Variants in UPK1B observed in about 807,000 individuals in gnomAD.
The protein encoded by UPK1B is uroplakin 1B.
In UPK1B, 28 loss-of-function variants were observed where a neutral mutation model predicts 34.2. That is an observed-to-expected ratio of 0.82 (90% confidence interval 0.61 to 1.12). The LOEUF (loss-of-function observed/expected upper bound fraction) is 1.12. UPK1B is among the 50% of genes most tolerant of loss of function. UPK1B has a pLI of 0.00. For missense variants in UPK1B, 325 were observed against 320.9 expected, an observed-to-expected ratio of 1.01 and a Z score of -0.10; for synonymous variants, 81 against 110.4, an observed-to-expected ratio of 0.73 and a Z score of 1.67.
At chr3:119,198,752 G>T (rs544031197) in intron 6 of UPK1B, among the ~76,000 whole-genome samples, 5 of 152,126 alleles carry the variant, frequency 3.3e-5, no homozygotes, top group Non-Finnish European at 7.4e-5. Flanking sequence ...TAAGATTTTT[G>T]AATTTATTGT....
At position 119,183,576 on chromosome 3, in the gene UPK1B, A is replaced by C. The variant is rs186056552; in HGVS notation, c.-28-3138A>C. 9.2e-5 allele frequency among the ~76,000 whole-genome samples: 14 copies of C among 152,126 alleles called. No homozygotes were observed. In the East Asian group the frequency reaches 2.5e-3, roughly 27 times the overall value. ...CATGCCCGGCCCCTTTTCTTTATACAAACAATGGCAAGACAACAGCTTCTC... is the reference window on the plus strand; with the variant it reads ...CATGCCCGGCCCCTTTTCTTTATACCAACAATGGCAAGACAACAGCTTCTC... On this transcript the variant is annotated intron_variant, in intron 1 of 7. Transcript: ENST00000264234.
intron 1 of UPK1B, among the ~76,000 whole-genome samples, chr3:119,175,019 T>C (rs1253585564): frequency 5.2e-4 from 9 of 17,168 alleles, no homozygotes; most frequent in Admixed American, 1.4e-3. Flanking sequence ...TTTCTTTTTT[T>C]TTTTTTTTTT....
At chr3:119,187,624 G>A in intron 2 of UPK1B, 151 bp from the exon 3 acceptor site, 1 of 749,174 alleles carries the variant, frequency 1.3e-6, no homozygotes, top group Non-Finnish European at 2.3e-6. Flanking sequence ...TAGGATGGAA[G>A]TAGTTGTTTG....
At chr3:119,174,647 A>T (rs2077944318) in intron 1 of UPK1B, among the ~76,000 whole-genome samples, 1 of 152,234 alleles carries the variant, frequency 6.6e-6, no homozygotes, top group East Asian at 1.9e-4. Context: ...AATGAAAGAC[A>T]ACGTTTCTTG....
intron 6 of UPK1B, 30 bp downstream of exon 6, chr3:119,194,428 A>G (rs2078057845): frequency 6.3e-7 from 1 of 1,582,600 alleles, no homozygotes; most frequent in Non-Finnish European, 8.6e-7. Flanking sequence ...AAGACTTCCC[A>G]GGAGGTTCTG....
At chr3:119,191,637 C>G (rs2107433875) in intron 5 of UPK1B, among the ~76,000 whole-genome samples, 1 of 152,298 alleles carries the variant, frequency 6.6e-6, no homozygotes, top group South Asian at 2.1e-4. Flanking sequence ...TTTTTACAGT[C>G]TGTCATCAGC....
At chr3:119,180,643 C>T (rs2107426299) in intron 1 of UPK1B, among the ~76,000 whole-genome samples, 1 of 150,760 alleles carries the variant, frequency 6.6e-6, no homozygotes, top group South Asian at 2.1e-4. Flanking sequence ...TGCCTATCCT[C>T]TATGGAAAGG....
chr3:119,196,239 C>G (rs1270699128), intron 6 of UPK1B, among the ~76,000 whole-genome samples: 1 of 152,136 alleles, frequency 6.6e-6, no homozygotes, highest in Non-Finnish European at 1.5e-5. Flanking sequence ...GATTCCCACA[C>G]ACCACCATTC....
chr3:119,185,024 C>G (rs1018345206), intron 1 of UPK1B, among the ~76,000 whole-genome samples: 2 of 152,200 alleles, frequency 1.3e-5, no homozygotes, highest in Non-Finnish European at 2.9e-5. Flanking sequence ...GGAGTTTGTG[C>G]AGTCTAACAC....
chr3:119,198,092 C>A (rs2078074577), intron 6 of UPK1B, among the ~76,000 whole-genome samples: 1 of 150,530 alleles, frequency 6.6e-6, no homozygotes. Context: ...TCCCCCACCC[C>A]CACCCTCACA....
intron 1 of UPK1B, among the ~76,000 whole-genome samples, chr3:119,174,245 A>G (rs1437824523): frequency 6.6e-6 from 1 of 152,248 alleles, no homozygotes; most frequent in East Asian, 1.9e-4. Flanking sequence ...AAGTAGCTTT[A>G]TCTACGCAAT....
rs967982730 is a variant in UPK1B, at chr3:119,184,493, G to A, written c.-28-2221G>A. Among the ~76,000 whole-genome samples, 3 of 149,558 alleles carry A rather than the reference G, an allele frequency of 2.0e-5. No homozygotes were observed. The Admixed American group carries it at 2.0e-4, about 10-fold the overall frequency. The stretch of plus-strand genomic sequence containing the variant: ...CCAGCACTTTAGGAGGCCAAGGCAG[G>A]AAGATCACAAGGTCAGGAGTTCGAG... On this transcript the variant is annotated intron_variant, in intron 1 of 7. Transcript: ENST00000264234.
At chr3:119,190,739 A>C (rs1308984922) in intron 4 of UPK1B, among the ~76,000 whole-genome samples, 1 of 152,078 alleles carries the variant, frequency 6.6e-6, no homozygotes, top group Non-Finnish European at 1.5e-5. Context: ...CTGTTTTCCT[A>C]GCCTAAGCCA....
intron 1 of UPK1B, among the ~76,000 whole-genome samples, chr3:119,179,604 G>A (rs1485717280): frequency 7.2e-6 from 1 of 139,714 alleles, no homozygotes. Flanking sequence ...CGGCCTCCCG[G>A]GTTCACGCCA....
At chr3:119,190,133 A>G in intron 3 of UPK1B, 112 bp from the exon 4 acceptor site, 6 of 811,716 alleles carry the variant, frequency 7.4e-6, no homozygotes, top group Non-Finnish European at 8.0e-6. Context: ...GAATAACTAC[A>G]TGAGTGATTA....
Position 119,204,325 on chromosome 3 carries a change from T to C in UPK1B, c.*358T>C, listed in dbSNP as rs145992372. 376 of 214,182 alleles carry C rather than the reference T, an allele frequency of 1.8e-3. No homozygotes were observed. The highest frequency in any genetic ancestry group is 2.8e-3 in the Non-Finnish European group (301 of 107,252). 13.3% of individuals were successfully genotyped at this position (214,182 alleles called of 1,614,324 possible). A position where few individuals can be genotyped will look rare whatever the true frequency, so the allele number is the denominator to read the frequency against. On this transcript the variant is annotated 3_prime_UTR_variant, in exon 8 of 8. Transcript: ENST00000264234. ...CTGTATTTGGCTAGCAATCTGCCTG[T>C]ATCTCTCACTATTATCTAAAAGAAA...
At chr3:119,195,130 A>T (rs1263175388) in intron 6 of UPK1B, among the ~76,000 whole-genome samples, 2 of 152,200 alleles carry the variant, frequency 1.3e-5, no homozygotes, top group African/African-American at 4.8e-5. Flanking sequence ...CACAACTAGT[A>T]AATGTCCGTC....
intron 7 of UPK1B, among the ~76,000 whole-genome samples, chr3:119,202,863 G>T (rs2078098152): frequency 6.6e-6 from 1 of 152,150 alleles, no homozygotes; most frequent in Admixed American, 6.5e-5. Flanking sequence ...ATGGCAAAAA[G>T]AGTTTAGCAC....
intron 6 of UPK1B, 146 bp from the exon 7 acceptor site, chr3:119,198,911 C>T: frequency 1.3e-6 from 1 of 742,582 alleles, no homozygotes; most frequent in South Asian, 1.8e-5. Flanking sequence ...TAGTAGCTGG[C>T]TGTCCTCAGA....
Sources: gnomAD v4.1 joint callset for allele counts (sites outside exome capture counted in the v4.1 genomes callset) on GRCh38, gnomAD v4.1.1 for gene constraint, MANE v1.5 for transcripts, NCBI Gene and HGNC (gene_info 2026-07-23, HGNC 2026-07-21) for gene names.